Variants in PPP2R5E observed in about 807,000 individuals in gnomAD.
PPP2R5E encodes serine/threonine-protein phosphatase 2A 56 kDa regulatory subunit epsilon isoform.
PPP2R5E carries 4 observed loss-of-function variants against 65.3 expected under a neutral mutation model. The ratio of observed to expected loss-of-function variants is 0.06; its 90% CI spans 0.03 to 0.14. The LOEUF (loss-of-function observed/expected upper bound fraction) is 0.14. Ranked by LOEUF, PPP2R5E falls within the 10% of genes least tolerant of loss-of-function variation. The probability of loss-of-function intolerance (pLI) is 1.00; values close to 1 mark genes in which losing one functional copy is unlikely to be tolerated. For missense variants in PPP2R5E, 274 were observed against 556.1 expected (o/e 0.49, Z 5.10); for synonymous variants, 183 against 187.4 (o/e 0.98, Z 0.19).
At chr14:63,378,831 G>C (rs1307908887) in intron 13 of PPP2R5E, among the ~76,000 whole-genome samples, 3 of 152,088 alleles carry the variant, frequency 2.0e-5, no homozygotes, top group African/African-American at 7.2e-5. Context: ...TTCAAAATTT[G>C]ATCTGAACTG....
rs1198818613 is a variant in PPP2R5E at position 63,376,024 on chromosome 14, T to C, written c.1389A>G (p.Gly463=). The change falls in exon 14 of 14, where the codon GGA becomes GGG. Residue 463 remains glycine, a synonymous_variant. Coordinates refer to ENST00000337537, the MANE Select transcript of PPP2R5E (RefSeq NM_006246.5). ...ATTGTTTTTGTTAAGTTGGAATTAT[T>C]CCATCACGTCTAAGACCTCTCTTTA... The part of the protein sequence containing the change: ...LELKRGLRRD[G]IIPT 1.3e-6 allele frequency: 2 copies of C among 1,594,332 alleles called. No homozygotes were observed. The highest frequency in any genetic ancestry group is 8.6e-7 in the Non-Finnish European group (1 of 1,162,400).
At chr14:63,530,106 G>T (rs567529721) in intron 2 of PPP2R5E, among the ~76,000 whole-genome samples, 1 of 151,516 alleles carries the variant, frequency 6.6e-6, no homozygotes, top group Non-Finnish European at 1.5e-5. Flanking sequence ...CTCCAAAAAA[G>T]AATGCACATA....
At chr14:63,459,670 TGG>T (rs1433574994) in intron 2 of PPP2R5E, among the ~76,000 whole-genome samples, 1 of 152,228 alleles carries the variant, frequency 6.6e-6, no homozygotes, top group East Asian at 1.9e-4. Flanking sequence ...ATGGTGGTGA[TGG>T]TGGTGGTGGT....
intron 2 of PPP2R5E, among the ~76,000 whole-genome samples, chr14:63,497,280 T>C (rs1234088717): frequency 6.6e-6 from 1 of 152,132 alleles, no homozygotes; most frequent in Non-Finnish European, 1.5e-5. Context: ...GCAAGATCTC[T>C]AGCCAATTAA....
intron 2 of PPP2R5E, among the ~76,000 whole-genome samples, chr14:63,482,228 G>C (rs941165644): frequency 1.3e-5 from 2 of 152,208 alleles, no homozygotes; most frequent in African/African-American, 2.4e-5. Flanking sequence ...ACTTTGAGAG[G>C]CTGAGGTGGG....
intron 11 of PPP2R5E, among the ~76,000 whole-genome samples, chr14:63,386,134 G>A (rs1350035866): frequency 6.6e-6 from 1 of 152,124 alleles, no homozygotes; most frequent in Non-Finnish European, 1.5e-5. Flanking sequence ...TGTATCTACC[G>A]AAAGACACTG....
intron 2 of PPP2R5E, among the ~76,000 whole-genome samples, chr14:63,538,256 ACTTT>A (rs1169231892): frequency 7.4e-6 from 1 of 134,922 alleles, no homozygotes; most frequent in Non-Finnish European, 1.5e-5. Flanking sequence ...CCCAACCTGC[ACTTT>A]CTTTTTTTTT....
intron 2 of PPP2R5E, among the ~76,000 whole-genome samples, chr14:63,467,616 T>C (rs537454054): frequency 6.6e-6 from 1 of 152,234 alleles, no homozygotes; most frequent in East Asian, 1.9e-4. Flanking sequence ...GGCAACTAGG[T>C]CCACTATCTC....
At chr14:63,430,357 A>ACATACATACATACATG (rs1887576858) in intron 3 of PPP2R5E, among the ~76,000 whole-genome samples, 4 of 128,182 alleles carry the variant, frequency 3.1e-5, no homozygotes, top group African/African-American at 1.1e-4. Flanking sequence ...ATACATACAT[A>ACATACATACATACATG]CATACATACA....
chr14:63,482,119 C>T (rs2139598556), intron 2 of PPP2R5E, among the ~76,000 whole-genome samples: 1 of 152,242 alleles, frequency 6.6e-6, no homozygotes, highest in South Asian at 2.1e-4. Flanking sequence ...ACAAAAAATA[C>T]ATTGTTTTAC....
At chr14:63,474,210 T>C (rs73274692) in intron 2 of PPP2R5E, among the ~76,000 whole-genome samples, 4,471 of 152,186 alleles carry the variant, frequency 0.029, 195 homozygotes, top group African/African-American at 0.098. Flanking sequence ...TGCTTGCTGA[T>C]AGAAACTACT....
intron 5 of PPP2R5E, among the ~76,000 whole-genome samples, chr14:63,402,099 T>C (rs1221461021): frequency 6.6e-6 from 1 of 152,146 alleles, no homozygotes; most frequent in Non-Finnish European, 1.5e-5. Flanking sequence ...TTGGAAATAA[T>C]GGGATGAAAT....
Position 63,392,315 on chromosome 14 carries a change from T to A in PPP2R5E, c.850-290A>T, listed in dbSNP as rs935315938. On this transcript the variant is annotated intron_variant, in intron 8 of 13. Transcript: ENST00000337537. ...GTGAGACATCACATTCAGCATATTGTGGAATTATCTCACCTACATACACTT... is the reference window on the plus strand; with the variant it reads ...GTGAGACATCACATTCAGCATATTGAGGAATTATCTCACCTACATACACTT... Among the ~76,000 whole-genome samples the A allele has an allele frequency of 1.1e-4, 16 of 152,220 alleles. No individual in the cohort carries two copies. In the East Asian group the frequency reaches 1.3e-3, roughly 13 times the overall value.
chr14:63,466,698 C>A (rs1889817956), intron 2 of PPP2R5E, among the ~76,000 whole-genome samples: 1 of 152,090 alleles, frequency 6.6e-6, no homozygotes, highest in Non-Finnish European at 1.5e-5. Flanking sequence ...TGTATAAAAG[C>A]AGAATTATTC....
intron 8 of PPP2R5E, among the ~76,000 whole-genome samples, chr14:63,393,529 T>C (rs372681129): frequency 1.3e-5 from 2 of 152,062 alleles, no homozygotes; most frequent in Non-Finnish European, 2.9e-5. Context: ...TTGGCCAACA[T>C]GGTAAAACCC....
At chr14:63,538,017 A>C (rs1893742033) in intron 2 of PPP2R5E, among the ~76,000 whole-genome samples, 1 of 152,178 alleles carries the variant, frequency 6.6e-6, no homozygotes, top group African/African-American at 2.4e-5. Flanking sequence ...CATATTAAAA[A>C]CGTGTTGGGC....
chr14:63,390,027 T>C (rs971067355), intron 10 of PPP2R5E, among the ~76,000 whole-genome samples: 10 of 151,924 alleles, frequency 6.6e-5, no homozygotes, highest in African/African-American at 2.4e-4. Flanking sequence ...ACTGACCCCG[T>C]AGGGCCTTCC....
intron 2 of PPP2R5E, among the ~76,000 whole-genome samples, chr14:63,497,050 T>G (rs1160737633): frequency 1.3e-5 from 2 of 152,100 alleles, no homozygotes; most frequent in East Asian, 3.8e-4. Flanking sequence ...GTTTAACTGC[T>G]TTTAAATGGA....
intron 2 of PPP2R5E, among the ~76,000 whole-genome samples, chr14:63,495,417 C>CAAAAAAAAAAA (rs772700927): frequency 8.6e-5 from 8 of 93,236 alleles, no homozygotes; most frequent in South Asian, 3.6e-4. Flanking sequence ...ACTAAAAATA[C>CAAAAAAAAAAA]AAAAAAAAAA....
Sources: gnomAD v4.1 joint callset for allele counts (sites outside exome capture counted in the v4.1 genomes callset) on GRCh38, gnomAD v4.1.1 for gene constraint, MANE v1.5 for transcripts, NCBI Gene and HGNC (gene_info 2026-07-23, HGNC 2026-07-21) for gene names.